Variants in RBFOX1 observed in about 807,000 individuals in gnomAD.
RBFOX1 encodes RNA binding protein fox-1 homolog 1.
Under a neutral mutation model 57.7 loss-of-function variants are expected in RBFOX1, and 8 were observed. The ratio of observed to expected loss-of-function variants is 0.14; its 90% CI spans 0.08 to 0.25. The LOEUF is 0.25. Among genes scored for constraint, RBFOX1 ranks in the 10% least tolerant of loss-of-function variants. RBFOX1 has a pLI of 1.00. For missense variants in RBFOX1, 611 were observed against 548.5 expected, an observed-to-expected ratio of 1.11 and a Z score of -1.14; for synonymous variants, 326 against 222.4, an observed-to-expected ratio of 1.47 and a Z score of -4.15.
chr16:5,432,555 G>GTT (rs1567502943), intron 1 of RBFOX1, among the ~76,000 whole-genome samples: 5 of 75,572 alleles, frequency 6.6e-5, no homozygotes, highest in South Asian at 4.2e-4. Context: ...TTTTTTGTTT[G>GTT]TTTGTTTTTT....
chr16:5,571,266 G>T (rs1343091494), intron 2 of RBFOX1, among the ~76,000 whole-genome samples: 4 of 135,800 alleles, frequency 2.9e-5, no homozygotes, highest in South Asian at 4.7e-4. Flanking sequence ...TGTCACCCAG[G>T]CTGGAGTGCA....
chr16:6,329,458 C>T (rs2082750221), intron 2 of RBFOX1, among the ~76,000 whole-genome samples: 1 of 152,136 alleles, frequency 6.6e-6, no homozygotes, highest in Non-Finnish European at 1.5e-5. Flanking sequence ...CGCTCTTGAC[C>T]ACTATACTAA....
intron 1 of RBFOX1, among the ~76,000 whole-genome samples, chr16:6,093,266 A>C (rs1174041851): frequency 6.6e-6 from 1 of 152,192 alleles, no homozygotes; most frequent in East Asian, 1.9e-4. Flanking sequence ...TTCAATAAAG[A>C]ATAGAAGCAA....
intron 4 of RBFOX1, among the ~76,000 whole-genome samples, chr16:7,239,802 A>G (rs2093964189): frequency 6.6e-6 from 1 of 152,224 alleles, no homozygotes; most frequent in African/African-American, 2.4e-5. Flanking sequence ...CATTTGGCTT[A>G]TAAGAAGAAA....
At chr16:6,708,577 T>C (rs570595608) in intron 3 of RBFOX1, among the ~76,000 whole-genome samples, 1 of 152,220 alleles carries the variant, frequency 6.6e-6, no homozygotes, top group Non-Finnish European at 1.5e-5. Context: ...TGCTCTTAAT[T>C]GCTTTTACTG....
chr16:6,731,679 A>G (rs1054638477), intron 3 of RBFOX1, among the ~76,000 whole-genome samples: 3 of 152,084 alleles, frequency 2.0e-5, no homozygotes, highest in Non-Finnish European at 4.4e-5. Context: ...GCTGAGGCAC[A>G]CGTTTTGAAA....
Position 6,698,825 on chromosome 16 carries a change from AT to A in RBFOX1, c.-16+44176del, listed in dbSNP as rs111967511. On this transcript the variant is annotated intron_variant, in intron 3 of 15. Transcript: ENST00000550418. ...AGAAATGTGAATCCCTTATAGTGAT[AT>A]GGAATTCCATGTCCCCCACCTTCTA... 2.8e-3 allele frequency among the ~76,000 whole-genome samples: 431 copies of A among 152,260 alleles called. 4 individuals are homozygous for A. The highest frequency in any genetic ancestry group is 9.8e-3 in the African/African-American group (407 of 41,526).
At chr16:7,050,768 C>T (rs1053744234) in intron 3 of RBFOX1, among the ~76,000 whole-genome samples, 2 of 151,876 alleles carry the variant, frequency 1.3e-5, no homozygotes, top group Admixed American at 6.6e-5. Context: ...TTAATTTTTC[C>T]ATTATCACAC....
intron 3 of RBFOX1, among the ~76,000 whole-genome samples, chr16:5,822,875 C>T (rs890246381): frequency 1.3e-5 from 2 of 152,176 alleles, no homozygotes; most frequent in Non-Finnish European, 2.9e-5. Flanking sequence ...GCTTAAAATG[C>T]ATCTGAAAGG....
At chr16:6,222,007 T>G in intron 1 of RBFOX1, among the ~76,000 whole-genome samples, 1 of 152,136 alleles carries the variant, frequency 6.6e-6, no homozygotes, top group East Asian at 1.9e-4. Context: ...TCATGTTTCC[T>G]CATGTCACTT....
intron 2 of RBFOX1, among the ~76,000 whole-genome samples, chr16:6,486,550 T>G (rs117010319): frequency 0.012 from 1,801 of 152,244 alleles, 12 homozygotes; most frequent in Middle Eastern, 0.038. Context: ...GGAAAGTAAT[T>G]CTGTTGGGAT....
chr16:7,052,749 G>C (rs1041909172), intron 4 of RBFOX1, among the ~76,000 whole-genome samples: 4 of 152,176 alleles, frequency 2.6e-5, no homozygotes, highest in Non-Finnish European at 5.9e-5. Context: ...CATTGTGTCA[G>C]AGTGGACATT....
chr16:6,732,978 G>A (rs185164714), intron 3 of RBFOX1, among the ~76,000 whole-genome samples: 188 of 152,250 alleles, frequency 1.2e-3, no homozygotes, highest in African/African-American at 4.4e-3. Context: ...ATTTGCAGAA[G>A]GAATTATAAT....
intron 2 of RBFOX1, among the ~76,000 whole-genome samples, chr16:6,430,414 G>A (rs1158442133): frequency 6.6e-6 from 1 of 152,212 alleles, no homozygotes; most frequent in African/African-American, 2.4e-5. Flanking sequence ...GAGTGCAAGA[G>A]CTTGGGGATT....
intron 1 of RBFOX1, among the ~76,000 whole-genome samples, chr16:5,258,468 C>T (rs2062645818): frequency 6.6e-6 from 1 of 152,150 alleles, no homozygotes; most frequent in South Asian, 2.1e-4. Flanking sequence ...TCCTTAATAT[C>T]CTCTAAGATC....
rs1303522954 is a variant in RBFOX1, at chr16:6,983,186, C to T, written c.-15-68871C>T. 3.3e-5 allele frequency among the ~76,000 whole-genome samples: 5 copies of T among 151,940 alleles called. No individual in the cohort carries two copies. The East Asian group carries it at 7.7e-4, about 24-fold the overall frequency. ...TAGCACACCAAGCCTCTACCCTTTC[C>T]TTGGGTAGTACTCATCCTCTGACTC... is the stretch of plus-strand genomic sequence containing the variant. On this transcript the variant is annotated intron_variant, in intron 3 of 15. Transcript: ENST00000550418.
At chr16:5,726,428 C>G (rs993477420) in intron 3 of RBFOX1, among the ~76,000 whole-genome samples, 12 of 152,208 alleles carry the variant, frequency 7.9e-5, no homozygotes, top group African/African-American at 2.9e-4. Flanking sequence ...AACAACCCCT[C>G]CATTGCCAAG....
chr16:6,943,742 C>G (rs1035550358), intron 3 of RBFOX1, among the ~76,000 whole-genome samples: 8 of 149,836 alleles, frequency 5.3e-5, no homozygotes, highest in African/African-American at 2.0e-4. Context: ...TCGCCTGTAA[C>G]AATAGCTGAG....
chr16:5,903,592 C>A (rs113848405), intron 4 of RBFOX1, among the ~76,000 whole-genome samples: 1 of 152,086 alleles, frequency 6.6e-6, no homozygotes, highest in Admixed American at 6.6e-5. Flanking sequence ...CTCTTGCAGC[C>A]GTGGGAGTGG....
Sources: gnomAD v4.1 joint callset for allele counts (sites outside exome capture counted in the v4.1 genomes callset) on GRCh38, gnomAD v4.1.1 for gene constraint, MANE v1.5 for transcripts, NCBI Gene and HGNC (gene_info 2026-07-23, HGNC 2026-07-21) for gene names.